The following CHD1L variants were observed in gnomAD, a reference collection of about 807,000 sequenced individuals.
CHD1L encodes the protein chromodomain helicase DNA binding protein 1 like, also known as ATP-dependent chromatin remodeler CHD1L.
In CHD1L, 118 loss-of-function variants were observed where a neutral mutation model predicts 115.9. The ratio of observed to expected loss-of-function variants is 1.02; its 90% CI spans 0.88 to 1.19. CHD1L has a LOEUF of 1.19. CHD1L is among the 50% of genes most tolerant of loss of function. The probability of loss-of-function intolerance (pLI) is 0.00; values close to 1 mark genes in which losing one functional copy is unlikely to be tolerated. For synonymous variants in CHD1L, 411 were observed against 387.1 expected (o/e 1.06, Z -0.72); for missense variants, 1,179 against 1,065.3 (o/e 1.11, Z -1.49).
At chr1:147,190,183 T>C in the CHD1L span, 2 of 1,606,514 alleles carry the variant, frequency 1.2e-6, no homozygotes, top group East Asian at 4.5e-5. Context: ...TTACCTTTTG[T>C]CAATTTCCTC....
the CHD1L span, among the ~76,000 whole-genome samples, chr1:147,229,369 T>C: frequency 6.6e-6 from 1 of 152,122 alleles, no homozygotes; most frequent in Non-Finnish European, 1.5e-5. Flanking sequence ...TTGATCTATA[T>C]CTCTGTTTTG....
chr1:147,233,240 A>G, the CHD1L span, among the ~76,000 whole-genome samples: 3 of 150,568 alleles, frequency 2.0e-5, no homozygotes, highest in African/African-American at 7.4e-5. Context: ...CCCATCTGAG[A>G]AGTGAGGAGC....
the CHD1L span, among the ~76,000 whole-genome samples, chr1:147,221,286 T>A: frequency 9.8e-5 from 15 of 152,316 alleles, no homozygotes; most frequent in Non-Finnish European, 1.5e-4. Context: ...GGACTTCAGT[T>A]AATAATAATG....
intron 1 of CHD1L, among the ~76,000 whole-genome samples, chr1:147,245,950 A>G (rs1321636887): frequency 6.6e-6 from 1 of 152,214 alleles, no homozygotes; most frequent in East Asian, 1.9e-4. Context: ...ATGGTACACT[A>G]TCACAACAGG....
chr1:147,205,967 A>G, the CHD1L span, among the ~76,000 whole-genome samples: 8 of 152,028 alleles, frequency 5.3e-5, no homozygotes, highest in Non-Finnish European at 7.4e-5. Context: ...ACTACCATCA[A>G]AGTGAACAGG....
chr1:147,209,393 G>A, the CHD1L span, among the ~76,000 whole-genome samples: 1 of 132,406 alleles, frequency 7.6e-6, no homozygotes, highest in Non-Finnish European at 1.5e-5. Flanking sequence ...AGCCAAGATC[G>A]CACCACTGCA....
At chr1:147,190,857 T>C in the CHD1L span, among the ~76,000 whole-genome samples, 5,568 of 151,714 alleles carry the variant, frequency 0.037, 151 homozygotes, top group South Asian at 0.095. Flanking sequence ...CAACAGTCCC[T>C]GGAGTGTGAT....
chr1:147,186,793 A>G, the CHD1L span: 1 of 1,499,828 alleles, frequency 6.7e-7, no homozygotes, highest in Non-Finnish European at 8.8e-7. Context: ...AAGAGACATT[A>G]AAGTAGATTT....
At chr1:147,209,008 A>G in the CHD1L span, 3 of 1,614,188 alleles carry the variant, frequency 1.9e-6, no homozygotes, top group Non-Finnish European at 2.5e-6. Context: ...GTAGTCCCCT[A>G]CACGATTCAG....
At chr1:147,282,678 G>A (rs1681386335) in intron 15 of CHD1L, among the ~76,000 whole-genome samples, 1 of 152,106 alleles carries the variant, frequency 6.6e-6, no homozygotes. Context: ...AGTTATAATT[G>A]ATTATATTAA....
the CHD1L span, chr1:147,186,334 A>G: frequency 8.2e-6 from 8 of 979,342 alleles, no homozygotes; most frequent in East Asian, 8.0e-4. Flanking sequence ...ACCATGTTTC[A>G]AGTACACTAG....
chr1:147,227,092 G>A, the CHD1L span, among the ~76,000 whole-genome samples: 2 of 152,160 alleles, frequency 1.3e-5, no homozygotes, highest in Non-Finnish European at 2.9e-5. Context: ...GCCTCCCAAA[G>A]TGCTGGGATT....
chr1:147,208,244 C>T, the CHD1L span, among the ~76,000 whole-genome samples: 5,603 of 152,068 alleles, frequency 0.037, 148 homozygotes, highest in South Asian at 0.095. Context: ...GAGTAAATGA[C>T]GCACTGTCCT....
chr1:147,239,292 T>A (rs1553930324), upstream of CHD1L, among the ~76,000 whole-genome samples: 1 of 152,162 alleles, frequency 6.6e-6, no homozygotes, highest in East Asian at 1.9e-4. Context: ...GCTGGCTAAA[T>A]AAACAGACTC....
intron 20 of CHD1L, among the ~76,000 whole-genome samples, chr1:147,293,070 C>T (rs1395840999): frequency 1.3e-5 from 2 of 152,232 alleles, no homozygotes; most frequent in African/African-American, 4.8e-5. Context: ...GGGAGTAGAG[C>T]ACCATGTCTA....
the CHD1L span, chr1:147,215,079 A>G: frequency 0.044 from 6,697 of 152,238 alleles, 169 homozygotes; most frequent in African/African-American, 0.071. Context: ...TTTTATGGTC[A>G]TGATCAGAAA....
rs1041297745 is a variant in CHD1L, at chr1:147,272,347, C to T, written c.1270+66C>T. 4.7e-5 allele frequency: 51 copies of T among 1,091,092 alleles called. 1 individual carries two copies. Among genetic ancestry groups the T allele is most frequent in the South Asian group, 1.7e-4 (13 of 76,080 alleles). 67.6% of individuals were successfully genotyped at this position (1,091,092 alleles called of 1,614,324 possible). On this transcript the variant is annotated intron_variant, in intron 12 of 22. Transcript: ENST00000369258. ...ATAATAGAGTACTATTACATCCCAACGGTTAGTACACTTTTTTCCTTAATT... is the reference window on the plus strand; with the variant it reads ...ATAATAGAGTACTATTACATCCCAATGGTTAGTACACTTTTTTCCTTAATT...
chr1:147,193,931 G>A, the CHD1L span, among the ~76,000 whole-genome samples: 9 of 152,048 alleles, frequency 5.9e-5, no homozygotes, highest in African/African-American at 2.2e-4. Context: ...TTCCAACTAT[G>A]TGATCAATTT....
Position 147,270,935 on chromosome 1 carries a change from C to A in CHD1L, c.1089C>A (p.Gly363=). 6.2e-7 allele frequency: 1 copy of A among 1,613,802 alleles called. No individual in the cohort carries two copies. ...TTCCTTTTCTTTTTCTTGCCAGGGG[C>A]CATCGGGTTTTACTTTTCTCCCAAA... The part of the protein sequence containing the change: ...DKLLAFLYSG[G]HRVLLFSQMT... Residue 363 remains glycine (G), a synonymous_variant, in exon 11 of 23, where the codon GGC becomes GGA. Transcript: ENST00000369258.
Sources: allele counts gnomAD v4.1 joint callset (sites outside exome capture counted in the v4.1 genomes callset), GRCh38; gene constraint gnomAD v4.1.1; transcripts MANE v1.5; gene names NCBI Gene and HGNC (gene_info 2026-07-23, HGNC 2026-07-21).